The following SEMA3E variants were observed in gnomAD, a reference collection of about 807,000 sequenced individuals.
SEMA3E encodes the protein semaphorin-3E.
SEMA3E carries 49 observed loss-of-function variants against 93.6 expected under a neutral mutation model. That is an observed-to-expected ratio of 0.52 (90% CI 0.42 to 0.66). The LOEUF (loss-of-function observed/expected upper bound fraction) is 0.66. Among genes scored for constraint, SEMA3E ranks in the 30% least tolerant of loss-of-function variants. The pLI, the probability that SEMA3E is intolerant of heterozygous loss-of-function variation, is 0.00. For synonymous variants in SEMA3E, 363 were observed against 330.7 expected (o/e 1.10, Z -1.06); for missense variants, 906 against 964.8 (o/e 0.94, Z 0.81).
At chr7:83,556,738 C>T (rs773537123) in intron 1 of SEMA3E, among the ~76,000 whole-genome samples, 9 of 152,102 alleles carry the variant, frequency 5.9e-5, no homozygotes, top group Non-Finnish European at 1.0e-4. Flanking sequence ...CCAAAACTTA[C>T]GTTGAAACTT....
At chr7:83,513,043 A>G (rs964474695) in intron 1 of SEMA3E, among the ~76,000 whole-genome samples, 8 of 152,210 alleles carry the variant, frequency 5.3e-5, no homozygotes, top group Admixed American at 2.6e-4. Flanking sequence ...TATCACATCA[A>G]TTATAATATG....
At chr7:83,467,456 C>T (rs1329962359) in intron 3 of SEMA3E, among the ~76,000 whole-genome samples, 1 of 152,122 alleles carries the variant, frequency 6.6e-6, no homozygotes, top group Non-Finnish European at 1.5e-5. Context: ...AACTAACCAA[C>T]AAAAATAACA....
chr7:83,554,965 A>G (rs1326711961), intron 1 of SEMA3E, among the ~76,000 whole-genome samples: 2 of 123,364 alleles, frequency 1.6e-5, no homozygotes, highest in East Asian at 5.7e-4. Context: ...TGACAGAGCG[A>G]GACTCCGTCT....
chr7:83,521,692 G>A (rs2535369), intron 1 of SEMA3E, among the ~76,000 whole-genome samples: 135,242 of 152,072 alleles, frequency 0.89, 60,324 homozygotes, highest in South Asian at 0.95. Context: ...GAATATGGCT[G>A]TCTTCTGGTG....
chr7:83,476,815 AAAC>A (rs1790021067), intron 2 of SEMA3E, among the ~76,000 whole-genome samples: 1 of 152,194 alleles, frequency 6.6e-6, no homozygotes, highest in Non-Finnish European at 1.5e-5. Flanking sequence ...AAAGGCAGTT[AAAC>A]AACAGGGTAT....
chr7:83,404,333 G>GA (rs1788286793), intron 9 of SEMA3E, among the ~76,000 whole-genome samples: 1 of 151,818 alleles, frequency 6.6e-6, no homozygotes, highest in African/African-American at 2.4e-5. Context: ...ACTACCTACT[G>GA]AAAAATAACA....
At chr7:83,553,218 G>T (rs1216756637) in intron 1 of SEMA3E, among the ~76,000 whole-genome samples, 1 of 152,082 alleles carries the variant, frequency 6.6e-6, no homozygotes, top group Admixed American at 6.6e-5. Flanking sequence ...ATGGAAAATA[G>T]AAAGAACCTA....
chr7:83,477,293 T>C (rs1407766950), intron 2 of SEMA3E, among the ~76,000 whole-genome samples: 1 of 152,152 alleles, frequency 6.6e-6, no homozygotes, highest in Non-Finnish European at 1.5e-5. Context: ...TCTATTATTC[T>C]AATGAAAAGT....
intron 1 of SEMA3E, among the ~76,000 whole-genome samples, chr7:83,558,845 G>A (rs537157555): frequency 6.6e-6 from 1 of 152,072 alleles, no homozygotes; most frequent in Non-Finnish European, 1.5e-5. Flanking sequence ...AAATATTTTA[G>A]TGAAAAAAGA....
intron 1 of SEMA3E, among the ~76,000 whole-genome samples, chr7:83,597,785 T>A (rs1186142031): frequency 6.6e-6 from 1 of 152,206 alleles, no homozygotes. Flanking sequence ...CATTGCAATC[T>A]AACATCAAAC....
intron 5 of SEMA3E, among the ~76,000 whole-genome samples, chr7:83,409,732 T>C (rs1002441817): frequency 6.6e-6 from 1 of 151,692 alleles, no homozygotes; most frequent in Non-Finnish European, 1.5e-5. Flanking sequence ...TAAACAGAAT[T>C]TAAAAGATAT....
intron 11 of SEMA3E, among the ~76,000 whole-genome samples, chr7:83,398,193 G>A (rs965000720): frequency 2.6e-5 from 4 of 152,058 alleles, no homozygotes; most frequent in African/African-American, 9.7e-5. Flanking sequence ...ATATATGCTT[G>A]ATACTTCTGA....
chr7:83,587,721 T>C (rs1040537054), intron 1 of SEMA3E, among the ~76,000 whole-genome samples: 1 of 152,024 alleles, frequency 6.6e-6, no homozygotes, highest in African/African-American at 2.4e-5. Context: ...TTTGTAAATA[T>C]ATAATATTGT....
chr7:83,466,924 T>A (rs1789774385), intron 3 of SEMA3E, among the ~76,000 whole-genome samples: 1 of 152,302 alleles, frequency 6.6e-6, no homozygotes, highest in East Asian at 1.9e-4. Flanking sequence ...CTCATGACAA[T>A]ATGTTCCACT....
At chr7:83,400,434 T>C (rs1788216056) in intron 10 of SEMA3E, among the ~76,000 whole-genome samples, 184 bp from the exon 11 acceptor site, 1 of 152,114 alleles carries the variant, frequency 6.6e-6, no homozygotes, top group African/African-American at 2.4e-5. Context: ...GAGGTACATG[T>C]CCAGGTTTGT....
intron 1 of SEMA3E, among the ~76,000 whole-genome samples, chr7:83,590,012 T>C (rs1181807391): frequency 6.6e-6 from 1 of 152,230 alleles, no homozygotes; most frequent in Non-Finnish European, 1.5e-5. Flanking sequence ...TGAAATTATA[T>C]GCTTTGTTCT....
chr7:83,622,783 G>C (rs1793591665), intron 1 of SEMA3E, among the ~76,000 whole-genome samples: 1 of 152,148 alleles, frequency 6.6e-6, no homozygotes, highest in Non-Finnish European at 1.5e-5. Context: ...TGAAAGATGA[G>C]AACACATGGA....
intron 11 of SEMA3E, among the ~76,000 whole-genome samples, chr7:83,398,647 A>G (rs1788173670): frequency 6.6e-6 from 1 of 152,196 alleles, no homozygotes. Flanking sequence ...TCTTTGTTTT[A>G]AAAAACAAAA....
At chr7:83,477,370 TAC>T (rs1790036598) in intron 2 of SEMA3E, among the ~76,000 whole-genome samples, 1 of 152,084 alleles carries the variant, frequency 6.6e-6, no homozygotes, top group Non-Finnish European at 1.5e-5. Context: ...TCCATCAATG[TAC>T]ATCTTAATTA....
Sources: allele counts gnomAD v4.1 joint callset (sites outside exome capture counted in the v4.1 genomes callset), GRCh38; gene constraint gnomAD v4.1.1; transcripts MANE v1.5; gene names NCBI Gene and HGNC (gene_info 2026-07-23, HGNC 2026-07-21).